Variants in ARHGAP15 observed in about 807,000 individuals in gnomAD.
ARHGAP15 encodes Rho GTPase activating protein 15, also known as rho GTPase-activating protein 15.
In ARHGAP15, 51 loss-of-function variants were observed where a neutral mutation model predicts 63.7. The observed-to-expected ratio is 0.80, with a 90% confidence interval of 0.64 to 1.01. The LOEUF (loss-of-function observed/expected upper bound fraction) is 1.01. Among genes scored for constraint, ARHGAP15 ranks in the 50% least tolerant of loss-of-function variants. ARHGAP15 has a pLI of 0.00. For missense variants in ARHGAP15, 560 were observed against 564.6 expected (o/e 0.99, Z 0.08); for synonymous variants, 191 against 193.8 (o/e 0.99, Z 0.12).
At chr2:143,168,865 C>T (rs1690652850) in intron 2 of ARHGAP15, among the ~76,000 whole-genome samples, 1 of 151,974 alleles carries the variant, frequency 6.6e-6, no homozygotes, top group Admixed American at 6.6e-5. Flanking sequence ...TTTCCATTGA[C>T]ATGTAACATC....
chr2:143,210,391 G>A (rs1192333634), intron 3 of ARHGAP15, among the ~76,000 whole-genome samples: 1 of 151,962 alleles, frequency 6.6e-6, no homozygotes, highest in Non-Finnish European at 1.5e-5. Context: ...GTCGTATGGG[G>A]GTTCTTAAAC....
At chr2:143,603,361 T>C (rs149852138) in intron 11 of ARHGAP15, among the ~76,000 whole-genome samples, 120 of 152,350 alleles carry the variant, frequency 7.9e-4, no homozygotes, top group African/African-American at 2.9e-3. Flanking sequence ...TGAATACAGA[T>C]GCACTTTGTT....
intron 6 of ARHGAP15, among the ~76,000 whole-genome samples, chr2:143,409,622 AC>A (rs1688360298): frequency 6.6e-6 from 1 of 152,136 alleles, no homozygotes; most frequent in Admixed American, 6.5e-5. Context: ...TTGATCAATG[AC>A]AGCTCATATA....
At position 143,422,262 on chromosome 2, in the gene ARHGAP15, A is replaced by T. The variant is rs184291113; in HGVS notation, c.475-13339A>T. On this transcript the variant is annotated intron_variant, in intron 6 of 13. Transcript: ENST00000295095. ...CTACTCCCCAGGATACTAGAGAATG[A>T]TAAATGGCACAATAGTTGATAGTAA... 9.2e-5 allele frequency among the ~76,000 whole-genome samples: 14 copies of T among 152,304 alleles called. No homozygotes were observed. In the East Asian group the frequency reaches 2.5e-3, roughly 27 times the overall value.
chr2:143,539,074 TCA>T (rs1694916899), intron 10 of ARHGAP15, among the ~76,000 whole-genome samples: 1 of 152,222 alleles, frequency 6.6e-6, no homozygotes, highest in Non-Finnish European at 1.5e-5. Context: ...ATTGGTCTAT[TCA>T]GAGATTCAAC....
chr2:143,210,609 C>T (rs1272799661), intron 3 of ARHGAP15, among the ~76,000 whole-genome samples: 6 of 152,046 alleles, frequency 3.9e-5, no homozygotes, highest in Non-Finnish European at 8.8e-5. Flanking sequence ...GACATGTTGT[C>T]TTATCCTAAG....
At chr2:143,407,202 T>A (rs1022449323) in intron 6 of ARHGAP15, among the ~76,000 whole-genome samples, 3 of 151,940 alleles carry the variant, frequency 2.0e-5, no homozygotes, top group African/African-American at 7.2e-5. Context: ...TAAGCTTCAT[T>A]GTTTTCTTAG....
chr2:143,761,921 G>A (rs1314081488), intron 13 of ARHGAP15, among the ~76,000 whole-genome samples: 1 of 151,860 alleles, frequency 6.6e-6, no homozygotes, highest in East Asian at 1.9e-4. Context: ...CTCATTCTAA[G>A]ATTTTATAAA....
chr2:143,467,510 A>C (rs937757163), intron 8 of ARHGAP15, among the ~76,000 whole-genome samples: 1 of 152,068 alleles, frequency 6.6e-6, no homozygotes, highest in African/African-American at 2.4e-5. Context: ...TGTGCAATAA[A>C]TTAATGCATC....
At chr2:143,438,502 TTAAG>T (rs1272254100) in intron 8 of ARHGAP15, among the ~76,000 whole-genome samples, 1 of 152,166 alleles carries the variant, frequency 6.6e-6, no homozygotes, top group Non-Finnish European at 1.5e-5. Context: ...CCTTTTGAAA[TTAAG>T]TCTTTATGCA....
chr2:143,297,738 G>T lies in ARHGAP15; in HGVS notation c.474+47138G>T, dbSNP rs541682052. Among the ~76,000 whole-genome samples the T allele has an allele frequency of 2.0e-4, 31 of 152,036 alleles. No homozygotes were observed. In the South Asian group the frequency reaches 6.2e-3, roughly 31 times the overall value. On this transcript the variant is annotated intron_variant, in intron 6 of 13. Coordinates refer to ENST00000295095, the MANE Select transcript of ARHGAP15 (RefSeq NM_018460.4). ...CTATTTGTATGTCTCTCAAACCATG[G>T]AAACTAAGAAGAGCTACAATTATTG...
At chr2:143,293,188 A>G (rs1682485369) in intron 6 of ARHGAP15, among the ~76,000 whole-genome samples, 2 of 152,024 alleles carry the variant, frequency 1.3e-5, no homozygotes, top group Non-Finnish European at 2.9e-5. Flanking sequence ...ATTATTAATC[A>G]AGAAGACACC....
At chr2:143,656,696 G>A (rs940968991) in intron 12 of ARHGAP15, among the ~76,000 whole-genome samples, 6 of 152,112 alleles carry the variant, frequency 3.9e-5, no homozygotes, top group Non-Finnish European at 7.4e-5. Context: ...CTTCACTCTG[G>A]GGGCAGGTAA....
At chr2:143,331,469 G>T (rs1016785302) in intron 6 of ARHGAP15, among the ~76,000 whole-genome samples, 1 of 152,124 alleles carries the variant, frequency 6.6e-6, no homozygotes, top group African/African-American at 2.4e-5. Context: ...TCTGGTACAT[G>T]ATTTGTTTTG....
chr2:143,589,672 C>A (rs1377315061), intron 11 of ARHGAP15, among the ~76,000 whole-genome samples: 1 of 152,140 alleles, frequency 6.6e-6, no homozygotes, highest in Non-Finnish European at 1.5e-5. Flanking sequence ...TGCAGCTACT[C>A]TCTTTTCAAC....
chr2:143,201,297 T>A (rs1267534706), intron 2 of ARHGAP15, among the ~76,000 whole-genome samples: 32 of 151,446 alleles, frequency 2.1e-4, no homozygotes, highest in Non-Finnish European at 3.1e-4. Flanking sequence ...AAAAAAAAAT[T>A]TTTTTTGTAG....
intron 12 of ARHGAP15, among the ~76,000 whole-genome samples, chr2:143,661,230 C>T (rs1264275654): frequency 6.6e-6 from 1 of 152,218 alleles, no homozygotes; most frequent in Non-Finnish European, 1.5e-5. Flanking sequence ...AAGTCCTTAA[C>T]TTGATCACAC....
chr2:143,487,327 TA>T lies in ARHGAP15; in HGVS notation c.704-43del, dbSNP rs150382866. 7.4e-4 allele frequency: 1,169 copies of T among 1,579,374 alleles called. 11 individuals carry two copies. The African/African-American group carries it at 0.014, about 19-fold the overall frequency. On this transcript the variant is annotated intron_variant, in intron 8 of 13. Transcript: ENST00000295095. ...TCAGATTTGCATAAAGTAATAATCATAAAGGAGAAATTTACCAAAAGCCTCT... is the reference window on the plus strand; with the variant it reads ...TCAGATTTGCATAAAGTAATAATCATAAGGAGAAATTTACCAAAAGCCTCT...
chr2:143,388,485 C>T (rs950764835), intron 6 of ARHGAP15, among the ~76,000 whole-genome samples: 2 of 152,188 alleles, frequency 1.3e-5, no homozygotes, highest in East Asian at 1.9e-4. Context: ...GGGAGAGAGA[C>T]AGCACAAACC....
Sources: allele counts gnomAD v4.1 joint callset (sites outside exome capture counted in the v4.1 genomes callset), GRCh38; gene constraint gnomAD v4.1.1; transcripts MANE v1.5; gene names NCBI Gene and HGNC (gene_info 2026-07-23, HGNC 2026-07-21).